The following NCOA3 variants were observed in gnomAD, a reference collection of about 807,000 sequenced individuals.
NCOA3 encodes the protein nuclear receptor coactivator 3, also known as CBP-interacting protein.
NCOA3 carries 51 observed loss-of-function variants against 158.8 expected under a neutral mutation model. The ratio of observed to expected loss-of-function variants is 0.32; its 90% confidence interval spans 0.26 to 0.41. The LOEUF (loss-of-function observed/expected upper bound fraction) is 0.41. Ranked by LOEUF, NCOA3 falls within the 10% of genes least tolerant of loss-of-function variation. The pLI, the probability that NCOA3 is intolerant of heterozygous loss-of-function variation, is 1.00. For synonymous variants in NCOA3, 537 were observed against 592.4 expected, an observed-to-expected ratio of 0.91 and a Z score of 1.36; for missense variants, 1,510 against 1,746.6, an observed-to-expected ratio of 0.86 and a Z score of 2.41.
At chr20:47,652,908 T>C in intron 21 of NCOA3, 23 bp from the exon 22 acceptor site, 1 of 1,612,902 alleles carries the variant, frequency 6.2e-7, no homozygotes, top group Non-Finnish European at 8.5e-7. Context: ...CCAGAGGTAA[T>C]ATTACCATTT....
rs139603026 is a variant in NCOA3 at position 47,571,423 on chromosome 20, T to C, written c.-98-11760T>C. Among the ~76,000 whole-genome samples the C allele has an allele frequency of 3.9e-5, 6 of 152,062 alleles. No individual in the cohort carries two copies. In the East Asian group the frequency reaches 9.7e-4, roughly 25 times the overall value. On this transcript the variant is annotated intron_variant, in intron 1 of 22. Coordinates refer to ENST00000371998, the MANE Select transcript of NCOA3 (RefSeq NM_181659.3). ...ACCTTCACCTCCTGTGTTCAAGCGA[T>C]TCTTGTGCTTCAGCCTCCAGAGTAG...
chr20:47,510,896 T>C (rs1214375690), intron 1 of NCOA3, among the ~76,000 whole-genome samples: 1 of 152,174 alleles, frequency 6.6e-6, no homozygotes, highest in Admixed American at 6.6e-5. Context: ...TGAGTTTTCT[T>C]AAACTTAGTT....
intron 2 of NCOA3, among the ~76,000 whole-genome samples, chr20:47,620,709 A>C (rs1344106989): frequency 6.6e-6 from 1 of 152,206 alleles, no homozygotes; most frequent in Non-Finnish European, 1.5e-5. Context: ...TGGTCTCTTA[A>C]ATAACCGTCG....
In NCOA3 at chr20:47,639,626, C is replaced by T. The variant is rs779017892; in HGVS notation, c.2757C>T (p.Asp919=). 2 of 1,613,874 alleles carry T rather than the reference C, an allele frequency of 1.2e-6. No homozygotes were observed. The highest frequency in any genetic ancestry group is 2.2e-5 in the South Asian group (2 of 91,066). Residue 919 remains aspartate, a synonymous_variant, in exon 15 of 23, where the codon GAC becomes GAT. Coordinates refer to ENST00000371998, the MANE Select transcript of NCOA3 (RefSeq NM_181659.3). ...TGACTCAGACTCCTTCCTCAGGAGACTGGGGCTTACCAAACTCAAAGGCCG... is the reference window on the plus strand; with the variant it reads ...TGACTCAGACTCCTTCCTCAGGAGATTGGGGCTTACCAAACTCAAAGGCCG... ...VTVTQTPSSG[D]WGLPNSKAGR...
intron 1 of NCOA3, among the ~76,000 whole-genome samples, chr20:47,524,947 CT>C (rs1231384369): frequency 6.6e-6 from 1 of 150,450 alleles, no homozygotes; most frequent in African/African-American, 2.4e-5. Context: ...TTTCTTTTTT[CT>C]TTTTATTGAT....
In NCOA3 at chr20:47,653,585, G is replaced by A. The variant is rs2086831302; in HGVS notation, c.*168G>A. On this transcript the variant is annotated 3_prime_UTR_variant, in exon 23 of 23. Coordinates refer to ENST00000371998, the MANE Select transcript of NCOA3 (RefSeq NM_181659.3). ...TCATTTGAGCAGGACTGGATTTTAA[G>A]CCGAAGGGCAATATCTACGTGTTTT... 7.7e-6 allele frequency: 6 copies of A among 783,362 alleles called. No individual in the cohort carries two copies. The highest frequency in any genetic ancestry group is 5.1e-5 in the South Asian group (3 of 59,298). The allele number at this position is 783,362 out of a possible 1,614,324, so 48.5% of individuals were successfully genotyped here.
chr20:47,533,258 C>T lies in NCOA3; in HGVS notation c.-99+31239C>T, dbSNP rs561175837. 2.3e-3 allele frequency among the ~76,000 whole-genome samples: 291 copies of T among 126,590 alleles called. 2 individuals are homozygous for T. The highest frequency in any genetic ancestry group is 0.01 in the South Asian group (40 of 3,994). The allele number at this position is 126,590 out of a possible 152,430, so 83.0% of individuals were successfully genotyped here. On this transcript the variant is annotated intron_variant, in intron 1 of 22. Transcript: ENST00000371998. Reference sequence around the variant, plus strand: ...TGAGAACACACCACTGCATTCCAGTCTAGGTGACAGAGCCAGGTTCCGTCT... The same window carrying T: ...TGAGAACACACCACTGCATTCCAGTTTAGGTGACAGAGCCAGGTTCCGTCT...
At chr20:47,566,604 T>C (rs2085199169) in intron 1 of NCOA3, among the ~76,000 whole-genome samples, 1 of 152,106 alleles carries the variant, frequency 6.6e-6, no homozygotes, top group Non-Finnish European at 1.5e-5. Context: ...CTCAACCTCC[T>C]GGGCTCAAGC....
chr20:47,652,290 A>C (rs2086808108), intron 20 of NCOA3, 116 bp from the exon 21 acceptor site: 3 of 774,272 alleles, frequency 3.9e-6, no homozygotes, highest in South Asian at 4.0e-5. Context: ...TCTTACACTT[A>C]TCACTTCCCT....
intron 2 of NCOA3, among the ~76,000 whole-genome samples, chr20:47,616,156 C>T (rs2086131707): frequency 7.0e-6 from 1 of 142,062 alleles, no homozygotes; most frequent in Non-Finnish European, 1.5e-5. Flanking sequence ...CCCCCCGCCC[C>T]GCCAAAAAAA....
intron 1 of NCOA3, among the ~76,000 whole-genome samples, chr20:47,570,021 CA>C (rs111893364): frequency 0.14 from 20,420 of 149,464 alleles, 1,980 homozygotes; most frequent in African/African-American, 0.27. Context: ...AAAAAAACAA[CA>C]AAAAAAAAAC....
intron 2 of NCOA3, among the ~76,000 whole-genome samples, chr20:47,608,640 C>CAAAAAAAA (rs148545557): frequency 1.0e-5 from 1 of 98,680 alleles, no homozygotes; most frequent in Non-Finnish European, 2.0e-5. Flanking sequence ...ACCCTGTCTC[C>CAAAAAAAA]AAAAAAAAAA....
Position 47,635,302 on chromosome 20 carries a change from G to C in NCOA3, c.1113-20G>C. The stretch of plus-strand genomic sequence containing the variant: ...GCATGCTTAGAATTTTTTAGTAAAA[G>C]TTTGATGTTTGTTTTGCAGAGAACA... On this transcript the variant is annotated intron_variant, in intron 10 of 22. Transcript: ENST00000371998. The C allele has an allele frequency of 3.9e-6, 6 of 1,541,720 alleles. No homozygotes were observed. The highest frequency in any genetic ancestry group is 5.3e-6 in the Non-Finnish European group (6 of 1,140,070).
intron 1 of NCOA3, among the ~76,000 whole-genome samples, chr20:47,502,508 G>A (rs2083952222): frequency 6.6e-6 from 1 of 152,090 alleles, no homozygotes; most frequent in Non-Finnish European, 1.5e-5. Flanking sequence ...AGATTTGGTT[G>A]CTGTGTTTCC....
intron 2 of NCOA3, among the ~76,000 whole-genome samples, chr20:47,597,663 G>A (rs1346897064): frequency 6.6e-6 from 1 of 151,388 alleles, no homozygotes; most frequent in Non-Finnish European, 1.5e-5. Context: ...TACTTTTTGT[G>A]TTTTTAGTAG....
intron 17 of NCOA3, among the ~76,000 whole-genome samples, chr20:47,643,906 C>T (rs780709427): frequency 1.1e-4 from 17 of 150,980 alleles, no homozygotes; most frequent in Non-Finnish European, 1.5e-4. Context: ...TTGCATGTGA[C>T]CCGTTTATTC....
At chr20:47,566,383 C>T (rs960732300) in intron 1 of NCOA3, among the ~76,000 whole-genome samples, 3 of 100,522 alleles carry the variant, frequency 3.0e-5, no homozygotes, top group African/African-American at 8.0e-5. Context: ...CATTATATAG[C>T]GCTATCTGTC....
chr20:47,520,004 C>A (rs372020347), intron 1 of NCOA3, among the ~76,000 whole-genome samples: 2 of 146,758 alleles, frequency 1.4e-5, no homozygotes, highest in Non-Finnish European at 3.0e-5. Context: ...CCTTGTGATC[C>A]GCCGGCTTCA....
At chr20:47,542,795 A>G (rs1403760777) in intron 1 of NCOA3, among the ~76,000 whole-genome samples, 1 of 152,090 alleles carries the variant, frequency 6.6e-6, no homozygotes, top group Non-Finnish European at 1.5e-5. Flanking sequence ...AACCCCATCT[A>G]TACAAACAAT....
Sources: allele counts gnomAD v4.1 joint callset (sites outside exome capture counted in the v4.1 genomes callset), GRCh38; gene constraint gnomAD v4.1.1; transcripts MANE v1.5; gene names NCBI Gene and HGNC (gene_info 2026-07-23, HGNC 2026-07-21).